Variants in NRXN3 observed in about 807,000 individuals in gnomAD.
The protein encoded by NRXN3 is neurexin 3, also known as neurexin III.
Under a neutral mutation model 137.6 loss-of-function variants are expected in NRXN3, and 32 were observed. The observed-to-expected ratio is 0.23, with a 90% CI of 0.18 to 0.31. NRXN3 has a LOEUF of 0.31. NRXN3 is among the 10% of genes least tolerant of loss of function. NRXN3 has a pLI of 1.00. For missense variants in NRXN3, 1,574 were observed against 2,062.5 expected, an observed-to-expected ratio of 0.76 and a Z score of 4.59; for synonymous variants, 798 against 784.5, an observed-to-expected ratio of 1.02 and a Z score of -0.29.
At chr14:78,633,363 G>A (rs962886875) in intron 4 of NRXN3, among the ~76,000 whole-genome samples, 18 of 151,530 alleles carry the variant, frequency 1.2e-4, no homozygotes, top group Non-Finnish European at 2.9e-5. Flanking sequence ...AATTGAATAT[G>A]CAATCACTAA....
intron 16 of NRXN3, among the ~76,000 whole-genome samples, chr14:79,660,615 C>T (rs1330304047): frequency 6.6e-6 from 1 of 152,148 alleles, no homozygotes; most frequent in Non-Finnish European, 1.5e-5. Flanking sequence ...GATCAGCGAA[C>T]TCACTGAGCC....
chr14:78,544,501 T>C (rs1336411772), intron 4 of NRXN3, among the ~76,000 whole-genome samples: 1 of 152,138 alleles, frequency 6.6e-6, no homozygotes, highest in African/African-American at 2.4e-5. Flanking sequence ...AACTTTATAA[T>C]CGGGAAAAGT....
chr14:79,539,070 T>C (rs1455185601), intron 16 of NRXN3, among the ~76,000 whole-genome samples: 1 of 152,228 alleles, frequency 6.6e-6, no homozygotes, highest in Non-Finnish European at 1.5e-5. Context: ...TGTTGGTTGG[T>C]TGGTTTTGAG....
intron 15 of NRXN3, among the ~76,000 whole-genome samples, chr14:79,161,969 A>G (rs1448250444): frequency 6.6e-6 from 1 of 151,940 alleles, no homozygotes; most frequent in Non-Finnish European, 1.5e-5. Context: ...GTCTAAGAAC[A>G]TCTAAGCTGC....
chr14:79,792,907 A>G (rs759477355), intron 19 of NRXN3, among the ~76,000 whole-genome samples: 2 of 152,178 alleles, frequency 1.3e-5, no homozygotes, highest in Non-Finnish European at 2.9e-5. Context: ...AGAAAATTAT[A>G]TGGTCATCAT....
chr14:78,209,093 C>A (rs2062490290), intron 1 of NRXN3, among the ~76,000 whole-genome samples: 1 of 152,172 alleles, frequency 6.6e-6, no homozygotes, highest in Non-Finnish European at 1.5e-5. Context: ...TGAAGCTTGT[C>A]TGAAGGAGAT....
chr14:78,761,045 T>C (rs1279695539), intron 8 of NRXN3, among the ~76,000 whole-genome samples: 1 of 152,218 alleles, frequency 6.6e-6, no homozygotes, highest in African/African-American at 2.4e-5. Context: ...GGTATTTCGA[T>C]GTGTTTCATC....
chr14:79,137,610 T>C (rs1386578796), intron 15 of NRXN3, among the ~76,000 whole-genome samples: 1 of 152,192 alleles, frequency 6.6e-6, no homozygotes, highest in Non-Finnish European at 1.5e-5. Flanking sequence ...CATTACAGTT[T>C]TATAGTAGTG....
intron 15 of NRXN3, among the ~76,000 whole-genome samples, chr14:79,379,971 C>A (rs374977447): frequency 6.6e-6 from 1 of 151,540 alleles, no homozygotes; most frequent in African/African-American, 2.4e-5. Flanking sequence ...ATCCCATAGA[C>A]CTAAAAAGAA....
chr14:79,365,704 C>T (rs1170780200), intron 15 of NRXN3, among the ~76,000 whole-genome samples: 12 of 108,474 alleles, frequency 1.1e-4, no homozygotes, highest in African/African-American at 3.9e-4. Flanking sequence ...CCGGCCTGGG[C>T]GACAGAGCGA....
At chr14:79,703,084 A>C (rs1462743949) in intron 19 of NRXN3, among the ~76,000 whole-genome samples, 1 of 152,126 alleles carries the variant, frequency 6.6e-6, no homozygotes, top group South Asian at 2.1e-4. Context: ...CCAGAAAATC[A>C]CAATGCTCAG....
chr14:79,528,397 T>C (rs79272833), intron 16 of NRXN3, among the ~76,000 whole-genome samples: 9,506 of 152,262 alleles, frequency 0.062, 337 homozygotes, highest in Middle Eastern at 0.1. Flanking sequence ...GAATATTTAA[T>C]ACTATTTTAG....
Position 79,535,476 on chromosome 14 carries a change from T to A in NRXN3, c.3444+68074T>A, listed in dbSNP as rs538070767. Among the ~76,000 whole-genome samples, 11 of 151,828 alleles carry A rather than the reference T, an allele frequency of 7.2e-5. No homozygotes were observed. The South Asian group carries it at 1.7e-3, about 23-fold the overall frequency. On this transcript the variant is annotated intron_variant, in intron 16 of 20. Coordinates refer to ENST00000335750, the MANE Select transcript of NRXN3 (RefSeq NM_001330195.2). ...TTCTGCTTTGAGGATGGGAGGAAGC[T>A]TTTCTTTTCTTATTTTTAAGTTTTG...
chr14:79,045,353 C>T (rs1368808308), intron 15 of NRXN3, among the ~76,000 whole-genome samples: 3 of 152,200 alleles, frequency 2.0e-5, no homozygotes, highest in Admixed American at 6.5e-5. Context: ...AATCCTGATC[C>T]TAGGCACTGC....
chr14:78,470,503 A>G (rs1263496461), intron 4 of NRXN3, among the ~76,000 whole-genome samples: 1 of 152,092 alleles, frequency 6.6e-6, no homozygotes, highest in Non-Finnish European at 1.5e-5. Context: ...CTTTCCTTAA[A>G]GAGTTTCCAA....
intron 19 of NRXN3, among the ~76,000 whole-genome samples, chr14:79,772,436 T>C (rs1409093244): frequency 2.6e-5 from 4 of 151,882 alleles, no homozygotes; most frequent in Non-Finnish European, 4.4e-5. Context: ...GAGATATAGA[T>C]CAATGGAACA....
intron 15 of NRXN3, among the ~76,000 whole-genome samples, chr14:79,340,844 G>C (rs187129170): frequency 3.5e-4 from 54 of 152,196 alleles, no homozygotes; most frequent in Admixed American, 3.1e-3. Flanking sequence ...CTAGTATTTT[G>C]GCAGTTGGAC....
chr14:78,898,657 T>C (rs940374027), intron 10 of NRXN3, among the ~76,000 whole-genome samples: 2 of 151,766 alleles, frequency 1.3e-5, no homozygotes, highest in African/African-American at 4.8e-5. Flanking sequence ...TTTCCTCCTC[T>C]CTATATTCCA....
chr14:78,653,834 A>G (rs567642589), intron 6 of NRXN3, among the ~76,000 whole-genome samples: 1 of 152,180 alleles, frequency 6.6e-6, no homozygotes, highest in Non-Finnish European at 1.5e-5. Context: ...TCTGAAAAAC[A>G]GTGTCAATAA....
Sources: allele counts gnomAD v4.1 joint callset (sites outside exome capture counted in the v4.1 genomes callset), GRCh38; gene constraint gnomAD v4.1.1; transcripts MANE v1.5; gene names NCBI Gene and HGNC (gene_info 2026-07-23, HGNC 2026-07-21).